The following SLC37A3 variants were observed in gnomAD, a reference collection of about 807,000 sequenced individuals.
SLC37A3 encodes sugar phosphate exchanger 3.
Under a neutral mutation model 67.1 loss-of-function variants are expected in SLC37A3, and 51 were observed. The observed-to-expected ratio is 0.76, with a 90% CI of 0.61 to 0.96. SLC37A3 has a LOEUF of 0.96. SLC37A3 is among the 40% of genes least tolerant of loss of function. The pLI is 0.00. For missense variants in SLC37A3, 508 were observed against 603.0 expected, an observed-to-expected ratio of 0.84 and a Z score of 1.65; for synonymous variants, 214 against 231.4, an observed-to-expected ratio of 0.92 and a Z score of 0.68.
chr7:140,355,765 C>T lies in SLC37A3; in HGVS notation c.522-1G>A, dbSNP rs1004340699. 1.2e-6 allele frequency: 2 copies of T among 1,613,502 alleles called. No individual in the cohort carries two copies. The highest frequency in any genetic ancestry group is 1.7e-5 in the Admixed American group (1 of 59,968). ...CCAGAGACCAAAAACAACTCCTCGT[C>T]TAAGATGGAAAACAGTGGGAGACAA... On this transcript the variant is annotated splice_acceptor_variant, in intron 6 of 14. Coordinates refer to ENST00000326232, the MANE Select transcript of SLC37A3 (RefSeq NM_207113.3). LOFTEE classifies it high-confidence loss of function.
chr7:140,385,358 G>A, intron 1 of SLC37A3, among the ~76,000 whole-genome samples: 1 of 152,022 alleles, frequency 6.6e-6, no homozygotes, highest in East Asian at 1.9e-4. Flanking sequence ...ACAAAAACAA[G>A]AACTACTAGT....
intron 1 of SLC37A3, among the ~76,000 whole-genome samples, chr7:140,397,301 C>A (rs941683574): frequency 6.6e-6 from 1 of 150,892 alleles, no homozygotes; most frequent in Admixed American, 6.6e-5. Flanking sequence ...TCAAGCGATT[C>A]TCCTGCCTCA....
At chr7:140,360,127 A>G (rs1394702160) in intron 5 of SLC37A3, among the ~76,000 whole-genome samples, 2 of 152,198 alleles carry the variant, frequency 1.3e-5, no homozygotes, top group East Asian at 3.9e-4. Flanking sequence ...AGGGAGGATC[A>G]CTTAAGGCCA....
chr7:140,384,882 A>G (rs936250747), intron 1 of SLC37A3, among the ~76,000 whole-genome samples: 6 of 152,220 alleles, frequency 3.9e-5, no homozygotes, highest in Non-Finnish European at 5.9e-5. Flanking sequence ...TCTCAGATCT[A>G]TGTTCACTGG....
At chr7:140,355,456 C>T (rs182934308) in intron 7 of SLC37A3, among the ~76,000 whole-genome samples, 6 of 152,116 alleles carry the variant, frequency 3.9e-5, no homozygotes, top group African/African-American at 1.4e-4. Flanking sequence ...TCGGCTGATC[C>T]GCCTGCCTTG....
At chr7:140,339,210 C>T (rs1796257955) in intron 13 of SLC37A3, among the ~76,000 whole-genome samples, 1 of 151,268 alleles carries the variant, frequency 6.6e-6, no homozygotes, top group Admixed American at 6.6e-5. Flanking sequence ...CTTTTGGCTA[C>T]TATGAATAAT....
intron 1 of SLC37A3, among the ~76,000 whole-genome samples, chr7:140,387,932 C>T (rs2129909584): frequency 1.5e-5 from 2 of 134,824 alleles, no homozygotes; most frequent in East Asian, 2.1e-4. Flanking sequence ...GAGTTAGAGG[C>T]TCAGTGAGCC....
chr7:140,341,123 G>T (rs1055913633), intron 13 of SLC37A3, among the ~76,000 whole-genome samples: 1 of 152,108 alleles, frequency 6.6e-6, no homozygotes, highest in African/African-American at 2.4e-5. Context: ...GTAGAGATGA[G>T]GGTCTCACTA....
chr7:140,393,570 A>G (rs1798804558), intron 1 of SLC37A3, among the ~76,000 whole-genome samples: 2 of 152,006 alleles, frequency 1.3e-5, no homozygotes. Flanking sequence ...TTGTTCTTCC[A>G]CGAGAGGAGT....
chr7:140,349,812 G>C (rs1796721536), intron 9 of SLC37A3, among the ~76,000 whole-genome samples: 1 of 152,078 alleles, frequency 6.6e-6, no homozygotes, highest in Admixed American at 6.6e-5. Flanking sequence ...CAGCAAAAGA[G>C]GTCCATATTT....
rs1796086882 is a variant in SLC37A3, at chr7:140,335,288, T to C, written c.*124A>G. ...TCAGCATCTCAGGTGGCTGGCAGTGTTGAGAGACGCCTGACAATCCAAGAT... is the reference window on the plus strand; with the variant it reads ...TCAGCATCTCAGGTGGCTGGCAGTGCTGAGAGACGCCTGACAATCCAAGAT... On this transcript the variant is annotated 3_prime_UTR_variant, in exon 15 of 15. Transcript: ENST00000326232. The C allele has an allele frequency of 6.2e-7, 1 of 1,614,132 alleles. No homozygotes were observed.
rs748009768 is a variant in SLC37A3 at position 140,339,264 on chromosome 7, G to GTT, written c.1327-1917_1327-1916dup. 3.4e-3 allele frequency among the ~76,000 whole-genome samples: 450 copies of GTT among 130,746 alleles called. 7 individuals carry two copies. Among genetic ancestry groups the GTT allele is most frequent in the Middle Eastern group, 4.3e-3 (1 of 234 alleles). 85.8% of individuals were successfully genotyped at this position (130,746 alleles called of 152,430 possible). Reference sequence around the variant, plus strand: ...ATACAAATATCTGAGTCCCAGTTTTGTTTTTTTTTTTTTTTTGAGAGAGTC... The same window carrying GTT: ...ATACAAATATCTGAGTCCCAGTTTTGTTTTTTTTTTTTTTTTTTGAGAGAGTC... On this transcript the variant is annotated intron_variant, in intron 13 of 14. Transcript: ENST00000326232.
At chr7:140,384,566 A>C (rs1798376273) in intron 1 of SLC37A3, among the ~76,000 whole-genome samples, 1 of 151,786 alleles carries the variant, frequency 6.6e-6, no homozygotes, top group Admixed American at 6.6e-5. Context: ...AAAAAAAAAA[A>C]ACAACAGCCA....
intron 3 of SLC37A3, among the ~76,000 whole-genome samples, chr7:140,376,689 T>C (rs1798044647): frequency 6.6e-6 from 1 of 152,174 alleles, no homozygotes; most frequent in Non-Finnish European, 1.5e-5. Flanking sequence ...CAGGCCAACT[T>C]ATGCATGAAG....
chr7:140,338,961 T>C lies in SLC37A3; in HGVS notation c.1327-1612A>G, dbSNP rs574673309. ...TAGTAGAGACGAGGTTTCACCATGT[T>C]GGCCAGGCTGGTCTCAAACTCCTAA... On this transcript the variant is annotated intron_variant, in intron 13 of 14. Transcript: ENST00000326232. 2.6e-5 allele frequency among the ~76,000 whole-genome samples: 4 copies of C among 152,100 alleles called. No homozygotes were observed. The East Asian group carries it at 5.8e-4, about 22-fold the overall frequency.
chr7:140,362,498 G>A (rs1206942373), intron 5 of SLC37A3, among the ~76,000 whole-genome samples: 57 of 145,886 alleles, frequency 3.9e-4, no homozygotes, highest in Non-Finnish European at 7.1e-4. Flanking sequence ...CGCCCCTACC[G>A]GGAAGTGAGG....
chr7:140,354,944 T>C (rs1329632899), intron 7 of SLC37A3, among the ~76,000 whole-genome samples: 1 of 152,016 alleles, frequency 6.6e-6, no homozygotes, highest in East Asian at 1.9e-4. Context: ...AAGGTCTCAT[T>C]ATATTGCCCA....
chr7:140,379,619 C>T (rs909898092), intron 3 of SLC37A3: 3 of 151,924 alleles, frequency 2.0e-5, no homozygotes, highest in South Asian at 2.1e-4. Flanking sequence ...TTTACCCAGG[C>T]GTGATGGCTC....
intron 13 of SLC37A3, 127 bp downstream of exon 13, chr7:140,343,285 C>G: frequency 2.3e-6 from 3 of 1,324,338 alleles, no homozygotes; most frequent in Non-Finnish European, 2.1e-6. Context: ...AGACGGAAGT[C>G]CTTGGGCTCT....
Sources: gnomAD v4.1 joint callset for allele counts (sites outside exome capture counted in the v4.1 genomes callset) on GRCh38, gnomAD v4.1.1 for gene constraint, MANE v1.5 for transcripts, NCBI Gene and HGNC (gene_info 2026-07-23, HGNC 2026-07-21) for gene names.